CTCF: variants seen among roughly 807,000 people sequenced by gnomAD.
The protein encoded by CTCF is transcriptional repressor CTCF.
A neutral mutation model predicts 72.3 loss-of-function variants in CTCF; 7 were observed. The observed-to-expected ratio is 0.10, with a 90% CI of 0.06 to 0.18. The LOEUF is 0.18. Among genes scored for constraint, CTCF ranks in the 10% least tolerant of loss-of-function variants. CTCF has a pLI of 1.00. For synonymous variants in CTCF, 374 were observed against 315.8 expected (o/e 1.18, Z -1.95); for missense variants, 516 against 949.1 (o/e 0.54, Z 6.00).
chr16:67,619,923 T>TTA (rs2052180577), intron 5 of CTCF, among the ~76,000 whole-genome samples: 2 of 151,918 alleles, frequency 1.3e-5, no homozygotes, highest in African/African-American at 4.8e-5. Flanking sequence ...AAGTCACTGT[T>TTA]TTAGTATAAG....
chr16:67,629,144 T>C (rs1429032909), intron 9 of CTCF, among the ~76,000 whole-genome samples: 1 of 141,402 alleles, frequency 7.1e-6, no homozygotes, highest in Non-Finnish European at 1.5e-5. Flanking sequence ...GGGTCTTCTC[T>C]TGGGGGCTCT....
intron 2 of CTCF, among the ~76,000 whole-genome samples, chr16:67,580,666 A>AT: frequency 6.6e-6 from 1 of 151,430 alleles, no homozygotes; most frequent in East Asian, 1.9e-4. Context: ...GGTTCAAGTG[A>AT]TTCTCCTGCC....
chr16:67,596,666 C>T (rs1038738284), intron 2 of CTCF, among the ~76,000 whole-genome samples: 1 of 152,068 alleles, frequency 6.6e-6, no homozygotes, highest in East Asian at 1.9e-4. Context: ...CTCACTGCAA[C>T]CTCCACCTCC....
chr16:67,610,350 CTTTTTTT>C (rs1158978403), intron 2 of CTCF, among the ~76,000 whole-genome samples: 19 of 121,400 alleles, frequency 1.6e-4, no homozygotes, highest in South Asian at 2.7e-4. Flanking sequence ...TTTTCTTTTT[CTTTTTTT>C]TTTTTTTTTT....
At chr16:67,603,252 C>T (rs534204597) in intron 2 of CTCF, among the ~76,000 whole-genome samples, 49 of 152,046 alleles carry the variant, frequency 3.2e-4, no homozygotes, top group Non-Finnish European at 4.4e-4. Context: ...AACATTAGGC[C>T]GGGCGCAGTG....
chr16:67,579,052 CA>C (rs1567594123), intron 2 of CTCF, among the ~76,000 whole-genome samples: 2 of 151,830 alleles, frequency 1.3e-5, no homozygotes, highest in Non-Finnish European at 1.5e-5. Flanking sequence ...GTCAGGAGTT[CA>C]AGACCAGCCT....
chr16:67,587,861 G>T (rs1042866533), intron 2 of CTCF, among the ~76,000 whole-genome samples: 1 of 151,886 alleles, frequency 6.6e-6, no homozygotes, highest in Admixed American at 6.6e-5. Context: ...TAGTTTTTTT[G>T]TTGTTGTTTG....
intron 2 of CTCF, among the ~76,000 whole-genome samples, chr16:67,578,164 G>C (rs1447720974): frequency 6.6e-6 from 1 of 151,944 alleles, no homozygotes; most frequent in Admixed American, 6.6e-5. Context: ...AGAACATGAG[G>C]GGGAAATACT....
At chr16:67,563,023 C>T (rs2051298068) in intron 1 of CTCF, among the ~76,000 whole-genome samples, 1 of 150,056 alleles carries the variant, frequency 6.7e-6, no homozygotes, top group African/African-American at 2.4e-5. Flanking sequence ...ACTCCATTTT[C>T]CTTCCTTTGT....
chr16:67,601,407 C>T (rs760922566), intron 2 of CTCF, among the ~76,000 whole-genome samples: 7 of 150,506 alleles, frequency 4.7e-5, no homozygotes, highest in East Asian at 2.0e-4. Flanking sequence ...GGCGTGATCT[C>T]GGCTCACTGC....
At chr16:67,568,919 C>G (rs145667960) in intron 1 of CTCF, among the ~76,000 whole-genome samples, 144 of 151,864 alleles carry the variant, frequency 9.5e-4, no homozygotes, top group African/African-American at 3.2e-3. Flanking sequence ...CTCACTGAAA[C>G]CTCTGCTTCC....
At chr16:67,619,244 G>T (rs570384242) in intron 5 of CTCF, among the ~76,000 whole-genome samples, 3 of 151,990 alleles carry the variant, frequency 2.0e-5, no homozygotes, top group African/African-American at 7.2e-5. Context: ...GAGACCAGCC[G>T]GGCCAACGTG....
At chr16:67,630,731 G>A (rs1567617162) in intron 10 of CTCF, among the ~76,000 whole-genome samples, 1 of 152,000 alleles carries the variant, frequency 6.6e-6, no homozygotes, top group South Asian at 2.1e-4. Flanking sequence ...TTCCAGTCTG[G>A]TGGTCGAAGT....
chr16:67,626,492 G>A (rs1159797084), intron 7 of CTCF, 63 bp from the exon 8 acceptor site: 3 of 686,634 alleles, frequency 4.4e-6, no homozygotes, highest in African/African-American at 1.9e-5. Context: ...AAATGTATTA[G>A]TAACTTGTTA....
intron 8 of CTCF, 90 bp from the exon 9 acceptor site, chr16:67,628,279 GA>G: frequency 8.4e-7 from 1 of 1,196,468 alleles, no homozygotes. Flanking sequence ...GCTTGGGTGA[GA>G]AATACCTGTT....
intron 5 of CTCF, among the ~76,000 whole-genome samples, chr16:67,617,512 TAATA>T (rs984261219): frequency 1.5e-4 from 22 of 151,124 alleles, no homozygotes; most frequent in African/African-American, 3.2e-4. Context: ...CAAAAAATAA[TAATA>T]AATAAATAAA....
At chr16:67,584,715 T>C (rs1231365631) in intron 2 of CTCF, among the ~76,000 whole-genome samples, 2 of 152,098 alleles carry the variant, frequency 1.3e-5, no homozygotes, top group Non-Finnish European at 2.9e-5. Flanking sequence ...CTAATAAAAC[T>C]GTAGGATATT....
intron 5 of CTCF, among the ~76,000 whole-genome samples, chr16:67,618,410 T>C (rs2052161181): frequency 6.6e-6 from 1 of 152,106 alleles, no homozygotes; most frequent in African/African-American, 2.4e-5. Context: ...CAAAAAAATT[T>C]TAAACAGCAT....
chr16:67,604,499 C>A (rs901131658), intron 2 of CTCF, among the ~76,000 whole-genome samples: 1 of 152,076 alleles, frequency 6.6e-6, no homozygotes, highest in African/African-American at 2.4e-5. Context: ...TCCGCCACCA[C>A]GCCCGGCTAA....
Sources: gnomAD v4.1 joint callset for allele counts (sites outside exome capture counted in the v4.1 genomes callset) on GRCh38, gnomAD v4.1.1 for gene constraint, MANE v1.5 for transcripts, NCBI Gene and HGNC (gene_info 2026-07-23, HGNC 2026-07-21) for gene names.